The following SYN3 variants were observed in gnomAD, a reference collection of about 807,000 sequenced individuals.
SYN3 encodes synapsin III.
In SYN3, 35 loss-of-function variants were observed where a neutral mutation model predicts 65.8. The ratio of observed to expected loss-of-function variants is 0.53; its 90% CI spans 0.41 to 0.70. SYN3 has a LOEUF of 0.70. Ranked by LOEUF, SYN3 falls within the 30% of genes least tolerant of loss-of-function variation. SYN3 has a pLI of 0.00. For synonymous variants in SYN3, 270 were observed against 292.9 expected (o/e 0.92, Z 0.80); for missense variants, 680 against 749.0 (o/e 0.91, Z 1.08).
chr22:32,679,412 C>A (rs1039284765), intron 6 of SYN3, among the ~76,000 whole-genome samples: 20 of 152,094 alleles, frequency 1.3e-4, no homozygotes, highest in Non-Finnish European at 2.8e-4. Flanking sequence ...CATATTTTGG[C>A]TATTACGAAT....
chr22:32,799,457 G>T (rs2046509105), intron 6 of SYN3, among the ~76,000 whole-genome samples: 1 of 152,318 alleles, frequency 6.6e-6, no homozygotes. Context: ...TGAGAAAACT[G>T]CTGCTTGAAG....
At chr22:32,574,315 A>G (rs539609187) in intron 7 of SYN3, among the ~76,000 whole-genome samples, 1 of 152,148 alleles carries the variant, frequency 6.6e-6, no homozygotes, top group African/African-American at 2.4e-5. Flanking sequence ...CCCTGTCTCT[A>G]ACAAAATAAA....
chr22:32,730,314 G>A (rs1386900296), intron 6 of SYN3, among the ~76,000 whole-genome samples: 1 of 152,176 alleles, frequency 6.6e-6, no homozygotes. Flanking sequence ...GCTTTAATTG[G>A]TTCCCATCAC....
At chr22:32,615,432 TAAAAAAAA>T (rs1190319833) in intron 6 of SYN3, among the ~76,000 whole-genome samples, 1 of 74,416 alleles carries the variant, frequency 1.3e-5, no homozygotes, top group Non-Finnish European at 2.3e-5. Flanking sequence ...AGACTTCATC[TAAAAAAAA>T]AAAAAAAAAA....
chr22:32,880,327 C>T (rs560949740), intron 4 of SYN3, among the ~76,000 whole-genome samples: 5 of 152,260 alleles, frequency 3.3e-5, no homozygotes, highest in African/African-American at 1.2e-4. Context: ...GGAGGGAGTC[C>T]TCTTCAGGAA....
At chr22:32,564,370 T>C (rs551564385) in intron 7 of SYN3, among the ~76,000 whole-genome samples, 1 of 152,202 alleles carries the variant, frequency 6.6e-6, no homozygotes, top group Non-Finnish European at 1.5e-5. Context: ...GGAATCTGGC[T>C]TCGCAGCTCC....
rs935377538 is a variant in SYN3, at chr22:32,867,687, A to G, written c.621+1279T>C. On this transcript the variant is annotated intron_variant, in intron 5 of 13. Coordinates refer to ENST00000358763, the MANE Select transcript of SYN3 (RefSeq NM_003490.4). ...AACCTCCACCTCCTGGGTTCAAGCA[A>G]TTCTCCTGCCTCAGACTCCCGAGTA... is the stretch of plus-strand genomic sequence containing the variant. 3.0e-4 allele frequency among the ~76,000 whole-genome samples: 46 copies of G among 152,134 alleles called. 1 individual carries two copies. The highest frequency in any genetic ancestry group is 1.1e-3 in the African/African-American group (46 of 41,426).
At chr22:32,935,781 A>G (rs915165733) in intron 3 of SYN3, among the ~76,000 whole-genome samples, 1 of 152,222 alleles carries the variant, frequency 6.6e-6, no homozygotes, top group Non-Finnish European at 1.5e-5. Flanking sequence ...ACTACACATT[A>G]GGCACTGTGG....
At chr22:32,881,089 C>T (rs868186444) in intron 4 of SYN3, among the ~76,000 whole-genome samples, 1 of 152,142 alleles carries the variant, frequency 6.6e-6, no homozygotes, top group African/African-American at 2.4e-5. Context: ...AGCGCTGGGG[C>T]GGGCCTCCTG....
At chr22:32,854,420 A>G (rs570071663) in intron 6 of SYN3, among the ~76,000 whole-genome samples, 2 of 152,288 alleles carry the variant, frequency 1.3e-5, no homozygotes, top group South Asian at 4.1e-4. Context: ...CTCACCCACG[A>G]AGCACTAGGG....
intron 3 of SYN3, among the ~76,000 whole-genome samples, chr22:32,933,552 C>T (rs549008463): frequency 1.3e-5 from 2 of 152,262 alleles, no homozygotes; most frequent in South Asian, 4.1e-4. Context: ...CCTCAGCCTC[C>T]CGAGTAGCTG....
chr22:32,801,783 C>T lies in SYN3; in HGVS notation c.711+63132G>A, dbSNP rs966722294. The T allele has an allele frequency of 3.1e-5, 11 of 350,290 alleles. No homozygotes were observed. The highest frequency in any genetic ancestry group is 1.7e-4 in the African/African-American group (8 of 45,960). 21.7% of individuals were successfully genotyped at this position (350,290 alleles called of 1,614,324 possible). ...TGCTCCTCCAGCTCCTGCTCCTTCGCCGGGAGGCCGCCCGCCGAGTCCTGC... is the reference window on the plus strand; with the variant it reads ...TGCTCCTCCAGCTCCTGCTCCTTCGTCGGGAGGCCGCCCGCCGAGTCCTGC... On this transcript the variant is annotated intron_variant, in intron 6 of 13. Transcript: ENST00000358763. The surrounding 1 kb of genome is among the most constrained non-coding windows in gnomAD (Gnocchi z 4.7).
chr22:32,628,464 A>G (rs2059700377), intron 6 of SYN3, among the ~76,000 whole-genome samples: 1 of 152,176 alleles, frequency 6.6e-6, no homozygotes. Flanking sequence ...GGATTTCTCT[A>G]CATTCCCAAG....
intron 1 of SYN3, among the ~76,000 whole-genome samples, chr22:33,044,398 CCT>C (rs2054021525): frequency 1.3e-5 from 2 of 152,230 alleles, no homozygotes; most frequent in South Asian, 4.1e-4. Flanking sequence ...TGGCAGGCCC[CCT>C]GTTAATAACT....
chr22:32,889,648 A>G (rs2049388230), intron 4 of SYN3, among the ~76,000 whole-genome samples: 1 of 152,168 alleles, frequency 6.6e-6, no homozygotes, highest in Non-Finnish European at 1.5e-5. Flanking sequence ...AATTATACAT[A>G]TATGCCATTC....
intron 3 of SYN3, among the ~76,000 whole-genome samples, chr22:32,969,466 A>G (rs2051952932): frequency 6.6e-6 from 1 of 152,228 alleles, no homozygotes; most frequent in African/African-American, 2.4e-5. Context: ...TAAACGTGAA[A>G]AACATAAACT....
intron 7 of SYN3, among the ~76,000 whole-genome samples, chr22:32,570,981 C>T (rs981368752): frequency 6.6e-6 from 1 of 152,128 alleles, no homozygotes; most frequent in African/African-American, 2.4e-5. Flanking sequence ...GGTAGTGATA[C>T]AAAACACCAT....
intron 6 of SYN3, among the ~76,000 whole-genome samples, chr22:32,722,748 A>G (rs564681635): frequency 1.8e-4 from 28 of 152,308 alleles, no homozygotes; most frequent in Non-Finnish European, 3.1e-4. Flanking sequence ...CAGTCCCCCA[A>G]ACCCTATCTC....
At chr22:32,628,891 T>C (rs1371058208) in intron 6 of SYN3, among the ~76,000 whole-genome samples, 5 of 152,192 alleles carry the variant, frequency 3.3e-5, no homozygotes, top group Non-Finnish European at 5.9e-5. Context: ...AGTGGGGGCC[T>C]TTTCTCTGAA....
Sources: gnomAD v4.1 joint callset for allele counts (sites outside exome capture counted in the v4.1 genomes callset) on GRCh38, gnomAD v4.1.1 for gene constraint, Gnocchi (gnomAD v3.1) non-coding constraint, MANE v1.5 for transcripts, NCBI Gene and HGNC (gene_info 2026-07-23, HGNC 2026-07-21) for gene names.